Variants in FLOT2 observed in about 807,000 individuals in gnomAD.
FLOT2 encodes the protein flotillin-2.
A neutral mutation model predicts 54.9 loss-of-function variants in FLOT2; 35 were observed. The ratio of observed to expected loss-of-function variants is 0.64; its 90% confidence interval spans 0.49 to 0.84. The LOEUF (loss-of-function observed/expected upper bound fraction) is 0.84, where lower values mean the gene tolerates loss of function less well. Among genes scored for constraint, FLOT2 ranks in the 40% least tolerant of loss-of-function variants. The probability of loss-of-function intolerance (pLI) is 0.00; values close to 1 mark genes in which losing one functional copy is unlikely to be tolerated. For missense variants in FLOT2, 464 were observed against 572.1 expected, an observed-to-expected ratio of 0.81 and a Z score of 1.93; for synonymous variants, 207 against 228.9, an observed-to-expected ratio of 0.90 and a Z score of 0.86.
chr17:28,890,589 T>C (rs973731263), intron 1 of FLOT2, among the ~76,000 whole-genome samples: 1 of 152,104 alleles, frequency 6.6e-6, no homozygotes, highest in East Asian at 1.9e-4. Flanking sequence ...GGTTTCACCG[T>C]GTTAGCCAGG....
chr17:28,894,776 G>T (rs1292166527), intron 1 of FLOT2, among the ~76,000 whole-genome samples: 1 of 146,948 alleles, frequency 6.8e-6, no homozygotes, highest in African/African-American at 2.5e-5. Context: ...TAGCCTGGGT[G>T]ACAGAGCAAG....
At position 28,888,992 on chromosome 17, in the gene FLOT2, CACGT is replaced by C; in HGVS notation, c.80_83del (p.Tyr27CysfsTer20). 3 of 1,614,204 alleles carry C rather than the reference CACGT, an allele frequency of 1.9e-6. No individual in the cohort carries two copies. Among genetic ancestry groups the C allele is most frequent in the Non-Finnish European group, 2.5e-6 (3 of 1,180,032 alleles). The stretch of plus-strand genomic sequence containing the variant: ...ACCAGGCCCAGGCCCAGCCGCCAAA[CACGT>C]ACTGTTTATAGTCGGAACCACAACA... On this transcript the variant is annotated frameshift_variant, in exon 2 of 11. Transcript: ENST00000394908. LOFTEE classifies it high-confidence loss of function.
chr17:28,884,230 C>T lies in FLOT2; in HGVS notation c.217G>A (p.Ala73Thr), dbSNP rs200366548. 3.3e-5 allele frequency: 53 copies of T among 1,611,036 alleles called. No homozygotes were observed. Among genetic ancestry groups the T allele is most frequent in the Non-Finnish European group, 4.2e-5 (50 of 1,177,430 alleles). ...EGVALTVTGV[A>T]QVKIMTEKEL... The stretch of plus-strand genomic sequence containing the variant: ...GGGCTGCTGAGTTACTATACCTGGG[C>T]GACACCCGTCACAGTTAAAGCTACC... Residue 73 changes from alanine to threonine, a missense_variant, in exon 3 of 11, where the codon GCC becomes ACC. Ala to Thr is a moderately conservative substitution (Grantham distance 58, BLOSUM62 0). Transcript: ENST00000394908. This position sits in a 1 kb window ranked among gnomAD's most constrained non-coding sequence, Gnocchi z 5.1.
rs1192064419 is a variant in FLOT2, at chr17:28,883,191, C to A, written c.263G>T (p.Cys88Phe). ...CACATTCTTACCCAGAAACTGCTCACAAGCCACGGCCAGGAGTTCCTTCTC... is the reference window on the plus strand; with the variant it reads ...CACATTCTTACCCAGAAACTGCTCAAAAGCCACGGCCAGGAGTTCCTTCTC... Reference protein sequence around the residue: ...MTEKELLAVACEQFLGKNVQD... With the variant: ...MTEKELLAVAFEQFLGKNVQD... The change falls in exon 4 of 11, where the codon TGT becomes TTT. Residue 88 changes from cysteine to phenylalanine, a missense_variant. Cys to Phe is a radical substitution (Grantham distance 205, BLOSUM62 -2). Coordinates refer to ENST00000394908, the MANE Select transcript of FLOT2 (RefSeq NM_004475.3). This position sits in a 1 kb window ranked among gnomAD's most constrained non-coding sequence, Gnocchi z 5.0. 1 of 1,614,092 alleles carries A rather than the reference C, an allele frequency of 6.2e-7. No homozygotes were observed. The highest frequency in any genetic ancestry group is 1.3e-5 in the African/African-American group (1 of 75,050).
In FLOT2 at chr17:28,882,426, G is replaced by C; in HGVS notation, c.490C>G (p.Leu164Val). Reference sequence around the variant, plus strand: ...GTCTGCGTCTTGCCCAGGGAGCTCAGATAGTCCACTTTGTCATACACGTCC... The same window carrying C: ...GTCTGCGTCTTGCCCAGGGAGCTCACATAGTCCACTTTGTCATACACGTCC... ...IKDVYDKVDYLSSLGKTQTAV... is the reference protein window; with the variant it reads ...IKDVYDKVDYVSSLGKTQTAV... The change falls in exon 6 of 11, where the codon CTG (leucine) becomes GTG (valine). Residue 164 changes from leucine to valine, a missense_variant. Transcript: ENST00000394908. This position sits in a 1 kb window ranked among gnomAD's most constrained non-coding sequence, Gnocchi z 5.6. 6.2e-7 allele frequency: 1 copy of C among 1,614,076 alleles called. No individual in the cohort carries two copies. Among genetic ancestry groups the C allele is most frequent in the Non-Finnish European group, 8.5e-7 (1 of 1,180,016 alleles).
intron 2 of FLOT2, chr17:28,885,741 G>A: frequency 2.7e-6 from 2 of 736,984 alleles, no homozygotes. Context: ...AGAGAAAAGA[G>A]GAGAGGGAGG....
At chr17:28,890,713 CTT>C (rs2039634874) in intron 1 of FLOT2, among the ~76,000 whole-genome samples, 2 of 152,028 alleles carry the variant, frequency 1.3e-5, no homozygotes, top group East Asian at 1.9e-4. Context: ...AGTGAACTCT[CTT>C]GTTAATGCCA....
At chr17:28,889,615 A>C (rs566173867) in intron 1 of FLOT2, among the ~76,000 whole-genome samples, 2 of 150,870 alleles carry the variant, frequency 1.3e-5, no homozygotes, top group African/African-American at 4.9e-5. Flanking sequence ...TACAGGTGTG[A>C]GCCACCTCGC....
chr17:28,880,749 G>A lies in FLOT2; in HGVS notation c.1212C>T (p.Ala404=). ...CCACGCCTGTGAGGGCATGCACAGA[G>A]GCAGGCAGCTCGGCCAGCAGTCGGT... ...EVNRLLAELP[A]SVHALTGVDL... is the part of the protein sequence containing the mutation. The change falls in exon 10 of 11, where the codon GCC becomes GCT. Residue 404 remains alanine (A), a synonymous_variant. Coordinates refer to ENST00000394908, the MANE Select transcript of FLOT2 (RefSeq NM_004475.3). 5 of 1,614,254 alleles carry A rather than the reference G, an allele frequency of 3.1e-6. No homozygotes were observed. The highest frequency in any genetic ancestry group is 4.2e-6 in the Non-Finnish European group (5 of 1,180,054).
chr17:28,884,111 C>T lies in FLOT2; in HGVS notation c.222+114G>A, dbSNP rs2039500966. 4.9e-6 allele frequency: 4 copies of T among 809,176 alleles called. No individual in the cohort carries two copies. In the East Asian group the frequency reaches 9.9e-5, roughly 20 times the overall value. 50.1% of individuals were successfully genotyped at this position (809,176 alleles called of 1,614,324 possible). A position where few individuals can be genotyped will look rare whatever the true frequency, so the allele number is the denominator to read the frequency against. On this transcript the variant is annotated intron_variant, in intron 3 of 10. Transcript: ENST00000394908. The surrounding 1 kb of genome is among the most constrained non-coding windows in gnomAD (Gnocchi z 5.1). ...CCCTCTCTTGTGGGACTTGCGGGGG[C>T]TGGGGTGCTGGAGAGAGACTGCCCC...
intron 2 of FLOT2, among the ~76,000 whole-genome samples, chr17:28,887,022 G>A (rs1048808850): frequency 2.0e-5 from 3 of 151,904 alleles, no homozygotes; most frequent in Non-Finnish European, 4.4e-5. Context: ...GGGAGAGGGA[G>A]GGAGGGAGGA....
Position 28,880,394 on chromosome 17 carries a change from G to C in FLOT2, c.*167C>G. On this transcript the variant is annotated 3_prime_UTR_variant, in exon 11 of 11. Coordinates refer to ENST00000394908, the MANE Select transcript of FLOT2 (RefSeq NM_004475.3). ...GGAGAGGAAGAGGAGGAGGTGGACA[G>C]ACAGGAGAGACAGGAAGACAGCCAG... 4 of 1,478,832 alleles carry C rather than the reference G, an allele frequency of 2.7e-6. No homozygotes were observed. In the South Asian group the frequency reaches 4.3e-5, roughly 16 times the overall value. 91.6% of individuals were successfully genotyped at this position (1,478,832 alleles called of 1,614,324 possible).
At chr17:28,887,319 TAAAGCCCC>T (rs996640846) in intron 2 of FLOT2, among the ~76,000 whole-genome samples, 7 of 151,696 alleles carry the variant, frequency 4.6e-5, no homozygotes, top group Admixed American at 6.6e-5. Flanking sequence ...CCTAGGGAAA[TAAAGCCCC>T]AGCCTGTGGA....
At chr17:28,887,387 A>G (rs916926279) in intron 2 of FLOT2, among the ~76,000 whole-genome samples, 3 of 152,100 alleles carry the variant, frequency 2.0e-5, no homozygotes, top group African/African-American at 4.8e-5. Flanking sequence ...CCCCCCAGAA[A>G]AGGTGTAAGA....
chr17:28,882,265 G>C lies in FLOT2; in HGVS notation c.580-28C>G. On this transcript the variant is annotated intron_variant, in intron 6 of 10. Coordinates refer to ENST00000394908, the MANE Select transcript of FLOT2 (RefSeq NM_004475.3). The surrounding 1 kb of genome is among the most constrained non-coding windows in gnomAD (Gnocchi z 5.6). ...GGGGACAAAAGGGGCAGAAGGGGAA[G>C]GTGAGTGAGTAGAGGTCCTGAGTCA... is the stretch of plus-strand genomic sequence containing the variant. 3 of 1,614,116 alleles carry C rather than the reference G, an allele frequency of 1.9e-6. No homozygotes were observed. The highest frequency in any genetic ancestry group is 2.2e-5 in the South Asian group (2 of 91,078).
At chr17:28,889,334 C>CTTTT (rs549356750) in intron 1 of FLOT2, among the ~76,000 whole-genome samples, 1 of 144,406 alleles carries the variant, frequency 6.9e-6, no homozygotes. Context: ...TCTGAAAAAG[C>CTTTT]TTTTTTTTTT....
At position 28,883,277 on chromosome 17, in the gene FLOT2, G is replaced by A. The variant is rs1385910493; in HGVS notation, c.223-46C>T. Reference sequence around the variant, plus strand: ...GCTTCAGCTAGGCTGGAGCGAGGCAGACAAAGGCCCCAGACCCAGAGGTAG... The same window carrying A: ...GCTTCAGCTAGGCTGGAGCGAGGCAAACAAAGGCCCCAGACCCAGAGGTAG... On this transcript the variant is annotated intron_variant, in intron 3 of 10. Transcript: ENST00000394908. This position sits in a 1 kb window ranked among gnomAD's most constrained non-coding sequence, Gnocchi z 5.0. 1.9e-6 allele frequency: 3 copies of A among 1,611,578 alleles called. No homozygotes were observed. Among genetic ancestry groups the A allele is most frequent in the Middle Eastern group, 1.7e-4 (1 of 6,028 alleles).
chr17:28,881,445 A>G, intron 8 of FLOT2, 70 bp from the exon 9 acceptor site: 1 of 1,499,860 alleles, frequency 6.7e-7, no homozygotes, highest in Non-Finnish European at 9.1e-7. Flanking sequence ...CCTGGGGGCC[A>G]GCAAACCTTC....
At chr17:28,894,387 G>GC (rs556773803) in intron 1 of FLOT2, among the ~76,000 whole-genome samples, 226 of 152,244 alleles carry the variant, frequency 1.5e-3, no homozygotes, top group African/African-American at 5.1e-3. Flanking sequence ...ACTTTGGGAG[G>GC]CCGAGGTGGG....
Sources: gnomAD v4.1 joint callset for allele counts (sites outside exome capture counted in the v4.1 genomes callset) on GRCh38, gnomAD v4.1.1 for gene constraint, Gnocchi (gnomAD v3.1) non-coding constraint, MANE v1.5 for transcripts, NCBI Gene and HGNC (gene_info 2026-07-23, HGNC 2026-07-21) for gene names.